Variants in LRRIQ1 observed in about 807,000 individuals in gnomAD.
The protein encoded by LRRIQ1 is leucine-rich repeat- and IQ domain-containing protein 1.
A neutral mutation model predicts 211.9 loss-of-function variants in LRRIQ1; 210 were observed. That is an observed-to-expected ratio of 0.99 (90% confidence interval 0.89 to 1.11). The LOEUF is 1.11. Among genes scored for constraint, LRRIQ1 ranks in the 50% most tolerant of loss-of-function variants. LRRIQ1 has a pLI of 0.00. For synonymous variants in LRRIQ1, 699 were observed against 650.1 expected (o/e 1.08, Z -1.14); for missense variants, 2,136 against 1,939.5 (o/e 1.10, Z -1.90).
intron 19 of LRRIQ1, among the ~76,000 whole-genome samples, chr12:85,138,412 T>C (rs1473910935): frequency 6.6e-6 from 1 of 151,606 alleles, no homozygotes; most frequent in Non-Finnish European, 1.5e-5. Flanking sequence ...TTTAATACTT[T>C]TAAAGACTAC....
Position 85,072,504 on chromosome 12 carries a change from G to C in LRRIQ1, c.2696-403G>C, listed in dbSNP as rs551266840. On this transcript the variant is annotated intron_variant, in intron 10 of 26. Transcript: ENST00000393217. ...TTACTTTGGACTGAGGAAGTTGCCT[G>C]TGAATTTGCTTGTTATTGATTTGTC... Among the ~76,000 whole-genome samples the C allele has an allele frequency of 4.0e-5, 6 of 149,306 alleles. No homozygotes were observed. The South Asian group carries it at 1.3e-3, about 31-fold the overall frequency.
At chr12:85,147,734 C>G (rs966401749) in intron 19 of LRRIQ1, among the ~76,000 whole-genome samples, 1 of 150,732 alleles carries the variant, frequency 6.6e-6, no homozygotes, top group African/African-American at 2.4e-5. Context: ...CATGAGAAAC[C>G]GAATGCTACT....
chr12:85,123,272 A>T (rs1888116888), intron 16 of LRRIQ1, among the ~76,000 whole-genome samples: 1 of 152,006 alleles, frequency 6.6e-6, no homozygotes, highest in African/African-American at 2.4e-5. Context: ...TTAACATTTT[A>T]TTTTTTATAT....
In LRRIQ1 at chr12:85,128,038, A is replaced by C; in HGVS notation, c.4209+5A>C. 2 of 1,586,902 alleles carry C rather than the reference A, an allele frequency of 1.3e-6. No individual in the cohort carries two copies. The highest frequency in any genetic ancestry group is 1.7e-6 in the Non-Finnish European group (2 of 1,155,912). ...AAGGCTGCTATTCTTATTCAGGTTA[A>C]TTTCAATCTTTTGGTAACATAGTTA... On this transcript the variant is annotated splice_donor_5th_base_variant and intron_variant, in intron 18 of 26. Transcript: ENST00000393217.
chr12:85,060,524 A>G (rs1231867136), intron 8 of LRRIQ1, among the ~76,000 whole-genome samples: 2 of 151,918 alleles, frequency 1.3e-5, no homozygotes, highest in African/African-American at 4.8e-5. Flanking sequence ...GCTGCTTATT[A>G]ACTTTTAGAT....
chr12:85,217,206 T>G (rs1227727747), intron 24 of LRRIQ1, among the ~76,000 whole-genome samples: 1 of 151,542 alleles, frequency 6.6e-6, no homozygotes, highest in East Asian at 1.9e-4. Context: ...GGAATTTCAT[T>G]ATGAACATAT....
At chr12:85,135,463 G>A (rs1889058018) in intron 18 of LRRIQ1, among the ~76,000 whole-genome samples, 1 of 151,608 alleles carries the variant, frequency 6.6e-6, no homozygotes, top group South Asian at 2.1e-4. Context: ...TTGCACAATG[G>A]TGATACTTTC....
chr12:85,052,599 A>G (rs1165002861), intron 7 of LRRIQ1, among the ~76,000 whole-genome samples: 1 of 152,102 alleles, frequency 6.6e-6, no homozygotes, highest in African/African-American at 2.4e-5. Context: ...ATATAAGATT[A>G]TTCTGATGAT....
Position 85,127,859 on chromosome 12 carries a change from CT to C in LRRIQ1, c.4036del (p.Trp1346GlyfsTer35), listed in dbSNP as rs752345024. 6.2e-7 allele frequency: 1 copy of C among 1,613,854 alleles called. No individual in the cohort carries two copies. The highest frequency in any genetic ancestry group is 1.7e-5 in the Admixed American group (1 of 59,996). On this transcript the variant is annotated frameshift_variant, in exon 18 of 27. Coordinates refer to ENST00000393217, the MANE Select transcript of LRRIQ1 (RefSeq NM_001079910.2). LOFTEE classifies it high-confidence loss of function. Reference sequence around the variant, plus strand: ...TGGCAGCTGTGGTAATCCAGTCATACTGGCGTGGTTACCTCATGCGCAGACA... The same window carrying C: ...TGGCAGCTGTGGTAATCCAGTCATACGGCGTGGTTACCTCATGCGCAGACA... ...IMAAVVIQSY[W>X]RGYLMRRQTH... is the part of the protein sequence containing the mutation.
intron 24 of LRRIQ1, among the ~76,000 whole-genome samples, chr12:85,192,930 A>C (rs182047523): frequency 9.6e-4 from 74 of 77,134 alleles, no homozygotes; most frequent in East Asian, 5.3e-3. Context: ...TAATTATATA[A>C]TATAATTATA....
intron 11 of LRRIQ1, among the ~76,000 whole-genome samples, chr12:85,089,801 A>G (rs1371430776): frequency 6.6e-6 from 1 of 152,234 alleles, no homozygotes; most frequent in East Asian, 1.9e-4. Context: ...AGTCTGGCAT[A>G]TGGTAGAGAA....
chr12:85,093,571 G>A (rs1426174651), intron 11 of LRRIQ1, among the ~76,000 whole-genome samples: 1 of 152,100 alleles, frequency 6.6e-6, no homozygotes, highest in Non-Finnish European at 1.5e-5. Context: ...CCACTCCAAA[G>A]ATTTATTTTA....
Position 85,104,017 on chromosome 12 carries a change from G to C in LRRIQ1, c.3223G>C (p.Val1075Leu). The C allele has an allele frequency of 1.3e-6, 2 of 1,564,738 alleles. No homozygotes were observed. Among genetic ancestry groups the C allele is most frequent in the South Asian group, 2.4e-5 (2 of 82,726 alleles). The change falls in exon 14 of 27, where the codon GTA becomes CTA. Residue 1075 changes from valine to leucine, a missense_variant. By Grantham distance (32) the Val-to-Leu change is conservative. Coordinates refer to ENST00000393217, the MANE Select transcript of LRRIQ1 (RefSeq NM_001079910.2). ...TTTTGTTTTCAGCTTGACTAAAATC[G>C]TACCACTTTTTCATTTTGTTTCATT... ...TISQNSLTKI[V>L]PLFHFVSLEK...
At chr12:85,223,124 C>G (rs1894479467) in intron 24 of LRRIQ1, among the ~76,000 whole-genome samples, 1 of 152,042 alleles carries the variant, frequency 6.6e-6, no homozygotes, top group African/African-American at 2.4e-5. Context: ...TTTTGAAGTT[C>G]AGGTGGAAAT....
intron 11 of LRRIQ1, among the ~76,000 whole-genome samples, chr12:85,077,947 C>G (rs1462934779): frequency 6.6e-6 from 1 of 150,862 alleles, no homozygotes; most frequent in Non-Finnish European, 1.5e-5. Flanking sequence ...GAGATCACAC[C>G]AATGCACTCC....
intron 19 of LRRIQ1, among the ~76,000 whole-genome samples, chr12:85,142,815 G>T (rs1231422653): frequency 6.6e-6 from 1 of 151,468 alleles, no homozygotes; most frequent in Non-Finnish European, 1.5e-5. Context: ...TCTTTTTTAT[G>T]GATGGATAAT....
At chr12:85,217,515 TG>T (rs1457635922) in intron 24 of LRRIQ1, among the ~76,000 whole-genome samples, 1 of 52,562 alleles carries the variant, frequency 1.9e-5, no homozygotes, top group African/African-American at 2.7e-4. Context: ...TATATGTGTG[TG>T]TGTGTGTGTG....
chr12:85,193,224 T>C (rs912096136), intron 24 of LRRIQ1, among the ~76,000 whole-genome samples: 3 of 128,012 alleles, frequency 2.3e-5, no homozygotes, highest in Non-Finnish European at 4.7e-5. Flanking sequence ...ATGGGGAGAA[T>C]GGAACCAAGT....
In LRRIQ1 at chr12:85,232,729, A is replaced by T; in HGVS notation, c.4989A>T (p.Val1663=). 6.2e-7 allele frequency: 1 copy of T among 1,612,942 alleles called. No individual in the cohort carries two copies. The change falls in exon 26 of 27, where the codon GTA becomes GTT. Residue 1663 remains valine, a synonymous_variant. Transcript: ENST00000393217. ...NHFLPELDPD[V]LNGGRVQLVA... ...TTTTGCCTGAGTTAGATCCAGATGTACTTAATGGTGGAAGAGTTCAGCTTG... is the reference window on the plus strand; with the variant it reads ...TTTTGCCTGAGTTAGATCCAGATGTTCTTAATGGTGGAAGAGTTCAGCTTG...
Sources: gnomAD v4.1 joint callset for allele counts (sites outside exome capture counted in the v4.1 genomes callset) on GRCh38, gnomAD v4.1.1 for gene constraint, MANE v1.5 for transcripts, NCBI Gene and HGNC (gene_info 2026-07-23, HGNC 2026-07-21) for gene names.